Variants in CNTN5 observed in about 807,000 individuals in gnomAD.
CNTN5 encodes the protein contactin 5.
Under a neutral mutation model 129.1 loss-of-function variants are expected in CNTN5, and 77 were observed. The observed-to-expected ratio is 0.60, with a 90% CI of 0.50 to 0.72. The LOEUF (loss-of-function observed/expected upper bound fraction) is 0.72, where lower values mean the gene tolerates loss of function less well. Ranked by LOEUF, CNTN5 falls within the 30% of genes least tolerant of loss-of-function variation. The probability of loss-of-function intolerance (pLI) is 0.00; values close to 1 mark genes in which losing one functional copy is unlikely to be tolerated. For synonymous variants in CNTN5, 509 were observed against 465.6 expected (o/e 1.09, Z -1.20); for missense variants, 1,478 against 1,328.8 (o/e 1.11, Z -1.75).
At chr11:99,568,525 G>A (rs1282742816) in intron 3 of CNTN5, among the ~76,000 whole-genome samples, 1 of 152,156 alleles carries the variant, frequency 6.6e-6, no homozygotes, top group Non-Finnish European at 1.5e-5. Context: ...CAAGAAAACA[G>A]CTTATTTTCT....
chr11:99,453,204 AT>A (rs1405118542), intron 2 of CNTN5, among the ~76,000 whole-genome samples: 1 of 152,208 alleles, frequency 6.6e-6, no homozygotes, highest in African/African-American at 2.4e-5. Context: ...GATGAATCAT[AT>A]TTTATTCATT....
At chr11:99,529,168 G>C (rs1416552834) in intron 2 of CNTN5, among the ~76,000 whole-genome samples, 1 of 152,098 alleles carries the variant, frequency 6.6e-6, no homozygotes, top group Non-Finnish European at 1.5e-5. Context: ...GTTCTCTCCA[G>C]GGCCCAGCTG....
chr11:99,545,780 T>G (rs552217300), intron 2 of CNTN5, among the ~76,000 whole-genome samples: 79 of 152,340 alleles, frequency 5.2e-4, no homozygotes, highest in Non-Finnish European at 6.8e-4. Flanking sequence ...ACAGGTGTTC[T>G]CATGTTCTCA....
intron 7 of CNTN5, among the ~76,000 whole-genome samples, chr11:99,928,410 G>T (rs1045438015): frequency 6.6e-6 from 1 of 152,176 alleles, no homozygotes; most frequent in South Asian, 2.1e-4. Flanking sequence ...GGTTCTCCAC[G>T]AGGGCTCTGT....
At chr11:99,788,251 C>G (rs1945608720) in intron 3 of CNTN5, among the ~76,000 whole-genome samples, 1 of 151,866 alleles carries the variant, frequency 6.6e-6, no homozygotes, top group Non-Finnish European at 1.5e-5. Context: ...TGAATACTGT[C>G]TATTCCTCAA....
intron 2 of CNTN5, among the ~76,000 whole-genome samples, chr11:99,339,698 C>T (rs1003599558): frequency 1.3e-5 from 2 of 151,816 alleles, no homozygotes; most frequent in East Asian, 1.9e-4. Flanking sequence ...AGGAGAATGG[C>T]GTGAACCCAG....
chr11:99,842,638 T>C (rs1947547991), intron 4 of CNTN5, among the ~76,000 whole-genome samples: 1 of 152,158 alleles, frequency 6.6e-6, no homozygotes, highest in Non-Finnish European at 1.5e-5. Context: ...TAAGTCATAG[T>C]TTTAATGTGT....
intron 21 of CNTN5, among the ~76,000 whole-genome samples, chr11:100,311,296 C>A (rs879431476): frequency 2.0e-5 from 3 of 151,818 alleles, no homozygotes; most frequent in Non-Finnish European, 4.4e-5. Flanking sequence ...ATATTTGACC[C>A]AAGAAACTAG....
chr11:99,148,031 G>A (rs1297240915), intron 1 of CNTN5, among the ~76,000 whole-genome samples: 2 of 151,958 alleles, frequency 1.3e-5, no homozygotes, highest in Non-Finnish European at 2.9e-5. Flanking sequence ...GGATTTAATA[G>A]TATTAAACAT....
chr11:99,933,718 G>GT (rs1300885530), intron 7 of CNTN5, among the ~76,000 whole-genome samples: 1 of 152,148 alleles, frequency 6.6e-6, no homozygotes, highest in Non-Finnish European at 1.5e-5. Flanking sequence ...TGGTGCAAAC[G>GT]TAATTGTCGT....
At chr11:99,062,244 T>A (rs1052663716) in intron 1 of CNTN5, among the ~76,000 whole-genome samples, 2 of 152,110 alleles carry the variant, frequency 1.3e-5, no homozygotes, top group Non-Finnish European at 2.9e-5. Flanking sequence ...ACAAGCAATG[T>A]TGGAGCACAA....
intron 1 of CNTN5, among the ~76,000 whole-genome samples, chr11:99,242,346 T>G (rs1861602544): frequency 6.6e-6 from 1 of 152,084 alleles, no homozygotes; most frequent in Non-Finnish European, 1.5e-5. Context: ...TTAAATCTGT[T>G]TTTTCATTCA....
At chr11:100,035,089 T>C (rs1941911721) in intron 9 of CNTN5, among the ~76,000 whole-genome samples, 1 of 152,200 alleles carries the variant, frequency 6.6e-6, no homozygotes, top group African/African-American at 2.4e-5. Flanking sequence ...TCATTTAGCA[T>C]GAGGTATACC....
chr11:99,489,583 G>T (rs1202980753), intron 2 of CNTN5, among the ~76,000 whole-genome samples: 1 of 152,142 alleles, frequency 6.6e-6, no homozygotes, highest in Non-Finnish European at 1.5e-5. Context: ...TAATATCTGA[G>T]ATAATTTGTT....
intron 2 of CNTN5, among the ~76,000 whole-genome samples, chr11:99,427,592 C>T (rs1943181171): frequency 6.6e-6 from 1 of 151,554 alleles, no homozygotes; most frequent in South Asian, 2.1e-4. Flanking sequence ...CGGTAAAACC[C>T]TGTCTCTACT....
intron 8 of CNTN5, among the ~76,000 whole-genome samples, chr11:99,964,633 G>A (rs1203055052): frequency 6.6e-6 from 1 of 151,942 alleles, no homozygotes; most frequent in Admixed American, 6.6e-5. Flanking sequence ...TTTTTGTTGT[G>A]TCTCTGCCAG....
At chr11:99,741,157 GA>G (rs1221855267) in intron 3 of CNTN5, among the ~76,000 whole-genome samples, 5 of 152,086 alleles carry the variant, frequency 3.3e-5, no homozygotes, top group Admixed American at 3.3e-4. Flanking sequence ...TGAGATAAAA[GA>G]ATAATAATAT....
At chr11:99,623,567 G>A (rs1951025971) in intron 3 of CNTN5, among the ~76,000 whole-genome samples, 1 of 151,836 alleles carries the variant, frequency 6.6e-6, no homozygotes, top group Non-Finnish European at 1.5e-5. Context: ...ATAAATTACT[G>A]TGACAAAGAA....
intron 3 of CNTN5, among the ~76,000 whole-genome samples, chr11:99,669,851 C>T (rs1180145605): frequency 1.3e-5 from 2 of 152,106 alleles, no homozygotes; most frequent in African/African-American, 2.4e-5. Flanking sequence ...ATTCAACACC[C>T]TGTCTGTGTA....
Sources: gnomAD v4.1 joint callset for allele counts (sites outside exome capture counted in the v4.1 genomes callset) on GRCh38, gnomAD v4.1.1 for gene constraint, MANE v1.5 for transcripts, NCBI Gene and HGNC (gene_info 2026-07-23, HGNC 2026-07-21) for gene names.